SLC7A8: variants seen among roughly 807,000 people sequenced by gnomAD.
SLC7A8 encodes solute carrier family 7 member 8, also known as large neutral amino acids transporter small subunit 2.
In SLC7A8, 30 loss-of-function variants were observed where a neutral mutation model predicts 51.2. The observed-to-expected ratio is 0.59, with a 90% confidence interval of 0.44 to 0.80. SLC7A8 has a LOEUF of 0.80. Among genes scored for constraint, SLC7A8 ranks in the 30% least tolerant of loss-of-function variants. The pLI, the probability that SLC7A8 is intolerant of heterozygous loss-of-function variation, is 0.00. For synonymous variants in SLC7A8, 257 were observed against 275.8 expected (o/e 0.93, Z 0.67); for missense variants, 612 against 674.4 (o/e 0.91, Z 1.03).
At chr14:23,168,918 C>T (rs2048962914) in intron 1 of SLC7A8, among the ~76,000 whole-genome samples, 1 of 152,120 alleles carries the variant, frequency 6.6e-6, no homozygotes, top group African/African-American at 2.4e-5. Context: ...TCTTGGAGGC[C>T]CCAACCTTTA....
intron 3 of SLC7A8, among the ~76,000 whole-genome samples, chr14:23,144,639 T>C (rs1449287117): frequency 6.6e-6 from 1 of 152,210 alleles, no homozygotes; most frequent in African/African-American, 2.4e-5. Flanking sequence ...TATTTGATGC[T>C]GAGAACATTT....
chr14:23,148,612 C>A (rs1304072492), intron 3 of SLC7A8, among the ~76,000 whole-genome samples: 1 of 152,056 alleles, frequency 6.6e-6, no homozygotes, highest in African/African-American at 2.4e-5. Context: ...AAGAGGGAGG[C>A]AAGAAGGTCA....
At position 23,145,722 on chromosome 14, in the gene SLC7A8, C is replaced by T. The variant is rs74451710; in HGVS notation, c.509-2518G>A. On this transcript the variant is annotated intron_variant, in intron 3 of 10. Transcript: ENST00000316902. ...ATCTCAGTCTACACATTCCACAGCG[C>T]ACATCAACCTCTTCTGCTCCCCAGG... Among the ~76,000 whole-genome samples the T allele has an allele frequency of 3.2e-3, 491 of 152,154 alleles. 5 individuals are homozygous for T. The highest frequency in any genetic ancestry group is 0.011 in the African/African-American group (473 of 41,478).
rs35143650 is a variant in SLC7A8 at position 23,129,707 on chromosome 14, C to T, written c.1206G>A (p.Thr402=). ...GFINYLFYGV[T]VAGQIVLRWK... ...AGCGAAGGACTATCTGTCCAGCAACCGTGACCCCATAGAAGAGGTAGTTGA... is the reference window on the plus strand; with the variant it reads ...AGCGAAGGACTATCTGTCCAGCAACTGTGACCCCATAGAAGAGGTAGTTGA... The change falls in exon 9 of 11, where the codon ACG becomes ACA. Residue 402 remains threonine (T), a synonymous_variant. Coordinates refer to ENST00000316902, the MANE Select transcript of SLC7A8 (RefSeq NM_012244.4). 259 of 1,614,220 alleles carry T rather than the reference C, an allele frequency of 1.6e-4. No individual in the cohort carries two copies. In the Admixed American group the frequency reaches 3.9e-3, roughly 25 times the overall value.
At chr14:23,172,084 T>C (rs1352682601) in intron 1 of SLC7A8, among the ~76,000 whole-genome samples, 2 of 152,244 alleles carry the variant, frequency 1.3e-5, no homozygotes, top group Non-Finnish European at 2.9e-5. Context: ...ATGGGAGTAA[T>C]TGTTCCTGCC....
chr14:23,157,275 G>A (rs1041583445), intron 3 of SLC7A8, among the ~76,000 whole-genome samples: 8 of 152,130 alleles, frequency 5.3e-5, no homozygotes, highest in African/African-American at 1.9e-4. Context: ...CCTCCTAAAT[G>A]CCAAATGCAT....
intron 3 of SLC7A8, among the ~76,000 whole-genome samples, chr14:23,162,648 C>T (rs1000948841): frequency 6.6e-6 from 1 of 152,184 alleles, no homozygotes; most frequent in African/African-American, 2.4e-5. Flanking sequence ...TGCAACATGT[C>T]ATTCTGGAGC....
intron 3 of SLC7A8, among the ~76,000 whole-genome samples, chr14:23,149,128 C>T: frequency 6.6e-6 from 1 of 152,194 alleles, no homozygotes; most frequent in Non-Finnish European, 1.5e-5. Context: ...TAGCAAAGTT[C>T]CACACCACAT....
chr14:23,158,341 C>T (rs574412519), intron 3 of SLC7A8, among the ~76,000 whole-genome samples: 7 of 152,312 alleles, frequency 4.6e-5, no homozygotes, highest in African/African-American at 1.4e-4. Context: ...CCCCTCGGGG[C>T]TCTAGGGAGG....
intron 7 of SLC7A8, among the ~76,000 whole-genome samples, chr14:23,132,193 G>A (rs891388307): frequency 2.0e-5 from 3 of 151,720 alleles, no homozygotes; most frequent in African/African-American, 4.8e-5. Context: ...CAGTAGAGAC[G>A]GGGTTTCACC....
intron 3 of SLC7A8, chr14:23,155,473 A>G: frequency 7.1e-7 from 1 of 1,415,718 alleles, no homozygotes; most frequent in Non-Finnish European, 9.2e-7. Flanking sequence ...TATTTAGCTC[A>G]GCCAAGAGGC....
intron 1 of SLC7A8, among the ~76,000 whole-genome samples, chr14:23,173,735 A>G (rs896829916): frequency 6.6e-6 from 1 of 151,914 alleles, no homozygotes; most frequent in African/African-American, 2.4e-5. Context: ...TCTGCCTCCC[A>G]AGCTCAAGCA....
Position 23,182,915 on chromosome 14 carries a change from CCTT to C in SLC7A8, c.-4_-2del. 1 of 1,614,140 alleles carries C rather than the reference CCTT, an allele frequency of 6.2e-7. No homozygotes were observed. On this transcript the variant is annotated 5_prime_UTR_variant, in exon 1 of 11. Transcript: ENST00000316902. ...TTCGGTGCCTGGCTCCTTCTTCCAT[CCTT>C]CTCAGTAGGATTGCAACCTCAAAAG...
chr14:23,138,029 G>C lies in SLC7A8; in HGVS notation c.913-5C>G. ...TAGGAGCTTCTCTCCAAAAGTCTGG[G>C]AGAGGAACCAAGGAGATAAGCAAAG... On this transcript the variant is annotated splice_region_variant and splice_polypyrimidine_tract_variant and intron_variant, in intron 6 of 10. Coordinates refer to ENST00000316902, the MANE Select transcript of SLC7A8 (RefSeq NM_012244.4). 2 of 1,613,792 alleles carry C rather than the reference G, an allele frequency of 1.2e-6. No homozygotes were observed. Among genetic ancestry groups the C allele is most frequent in the African/African-American group, 1.3e-5 (1 of 74,994 alleles).
intron 3 of SLC7A8, among the ~76,000 whole-genome samples, chr14:23,155,960 T>A (rs953666930): frequency 6.6e-6 from 1 of 152,142 alleles, no homozygotes; most frequent in African/African-American, 2.4e-5. Flanking sequence ...ATTCCAAGGG[T>A]AGCTTGTACT....
chr14:23,137,223 C>T (rs17127010), intron 7 of SLC7A8, among the ~76,000 whole-genome samples: 9,672 of 152,226 alleles, frequency 0.064, 1,036 homozygotes, highest in African/African-American at 0.22. Context: ...CTCGTGGACC[C>T]GCTCGCACTT....
At position 23,140,501 on chromosome 14, in the gene SLC7A8, T is replaced by C. The variant is rs1291968571; in HGVS notation, c.758A>G (p.Tyr253Cys). ...GGGATCAACAAGCTCCTCAGTCACGTAATTCAGAAAGTTCCAGCCTCCATA... is the reference window on the plus strand; with the variant it reads ...GGGATCAACAAGCTCCTCAGTCACGCAATTCAGAAAGTTCCAGCCTCCATA... ...FAYGGWNFLN[Y>C]VTEELVDPYK... Residue 253 changes from tyrosine to cysteine, a missense_variant, in exon 5 of 11, where the codon TAC (tyrosine) becomes TGC (cysteine). By Grantham distance (194) the Tyr-to-Cys change is radical. Transcript: ENST00000316902. The C allele has an allele frequency of 6.2e-7, 1 of 1,613,680 alleles. No individual in the cohort carries two copies. The highest frequency in any genetic ancestry group is 8.5e-7 in the Non-Finnish European group (1 of 1,179,574).
rs375305686 is a variant in SLC7A8 at position 23,165,447 on chromosome 14, A to G, written c.357-11T>C. ...CACAGCCTCAGGAACCTGAAGGAGG[A>G]AAGGGACATCCGCCGAAAGGCATGG... On this transcript the variant is annotated splice_polypyrimidine_tract_variant and intron_variant, in intron 2 of 10. Transcript: ENST00000316902. This position sits in a 1 kb window ranked among gnomAD's most constrained non-coding sequence, Gnocchi z 4.2. 1.6e-5 allele frequency: 26 copies of G among 1,581,874 alleles called. No homozygotes were observed. The East Asian group carries it at 2.2e-4, about 13-fold the overall frequency.
intron 4 of SLC7A8, 89 bp from the exon 5 acceptor site, chr14:23,140,713 C>G: frequency 1.5e-6 from 2 of 1,306,380 alleles, no homozygotes; most frequent in Non-Finnish European, 2.1e-6. Flanking sequence ...TCTCACCCCT[C>G]CCTGTGGCAA....
Sources: allele counts gnomAD v4.1 joint callset (sites outside exome capture counted in the v4.1 genomes callset), GRCh38; gene constraint gnomAD v4.1.1; non-coding constraint Gnocchi (gnomAD v3.1); transcripts MANE v1.5; gene names NCBI Gene and HGNC (gene_info 2026-07-23, HGNC 2026-07-21).